The following NCALD variants were observed in gnomAD, a reference collection of about 807,000 sequenced individuals.
NCALD encodes the protein neurocalcin delta.
In NCALD, 10 loss-of-function variants were observed where a neutral mutation model predicts 18.6. The observed-to-expected ratio is 0.54, with a 90% CI of 0.33 to 0.91. The LOEUF is 0.91. NCALD is among the 40% of genes least tolerant of loss of function. The probability of loss-of-function intolerance (pLI) is 0.03; values close to 1 mark genes in which losing one functional copy is unlikely to be tolerated. For missense variants in NCALD, 184 were observed against 247.6 expected, an observed-to-expected ratio of 0.74 and a Z score of 1.72; for synonymous variants, 88 against 87.4, an observed-to-expected ratio of 1.01 and a Z score of -0.04.
At position 101,825,876 on chromosome 8, in the gene NCALD, A is replaced by G. The variant is rs147529610; in HGVS notation, c.-20+61265T>C. 9.9e-3 allele frequency among the ~76,000 whole-genome samples: 1,507 copies of G among 152,316 alleles called. 13 individuals are homozygous for G. Among genetic ancestry groups the G allele is most frequent in the Middle Eastern group, 0.031 (9 of 294 alleles). ...AAATAAGCATGGCTGTGTTTCAATA[A>G]AACTTTATTTTTTAAAAAAGAAAAC... On this transcript the variant is annotated intron_variant, in intron 4 of 6. Coordinates refer to the NCALD transcript ENST00000311028.
intron 3 of NCALD, among the ~76,000 whole-genome samples, chr8:101,903,798 C>A (rs1490123943): frequency 6.6e-6 from 1 of 152,194 alleles, no homozygotes; most frequent in Non-Finnish European, 1.5e-5. Flanking sequence ...CTCCCATTTG[C>A]AGGAGAGCCT....
chr8:102,117,613 C>CAAA (rs35595637), intron 1 of NCALD, among the ~76,000 whole-genome samples: 6 of 118,982 alleles, frequency 5.0e-5, no homozygotes, highest in African/African-American at 8.6e-5. Flanking sequence ...ACTTTCAACT[C>CAAA]AAAAAAAAAA....
At chr8:101,843,582 G>GTGTTTTTTTT (rs1690762927) in intron 4 of NCALD, among the ~76,000 whole-genome samples, 1 of 125,140 alleles carries the variant, frequency 8.0e-6, no homozygotes, top group African/African-American at 3.3e-5. Context: ...TTTAAAAATT[G>GTGTTTTTTTT]TTTTTTTTTT....
chr8:102,006,129 C>T (rs936448495), intron 2 of NCALD, among the ~76,000 whole-genome samples: 2 of 151,986 alleles, frequency 1.3e-5, no homozygotes, highest in African/African-American at 2.4e-5. Flanking sequence ...AATCCATGAT[C>T]AATTCTAAGA....
chr8:101,802,017 G>C (rs1812888182), intron 4 of NCALD, among the ~76,000 whole-genome samples: 2 of 152,094 alleles, frequency 1.3e-5, no homozygotes, highest in African/African-American at 4.8e-5. Flanking sequence ...CACATACTGT[G>C]ATCTTTACAA....
chr8:102,025,494 A>C (rs1822422301), intron 1 of NCALD, among the ~76,000 whole-genome samples: 1 of 152,208 alleles, frequency 6.6e-6, no homozygotes, highest in Admixed American at 6.5e-5. Flanking sequence ...AGTACTCAAT[A>C]AAAGTTTAAA....
intron 3 of NCALD, among the ~76,000 whole-genome samples, chr8:101,896,582 T>C (rs957654598): frequency 4.6e-5 from 7 of 151,916 alleles, no homozygotes; most frequent in African/African-American, 7.3e-5. Context: ...ACAGGCAACC[T>C]ACAAAATGGG....
chr8:102,101,564 A>G (rs913789613), intron 1 of NCALD, among the ~76,000 whole-genome samples: 3 of 152,218 alleles, frequency 2.0e-5, no homozygotes, highest in Non-Finnish European at 4.4e-5. Context: ...ATATATCGCA[A>G]CCATAACCTT....
chr8:102,042,478 G>A (rs952405310), intron 1 of NCALD, among the ~76,000 whole-genome samples: 7 of 151,818 alleles, frequency 4.6e-5, no homozygotes, highest in African/African-American at 1.2e-4. Flanking sequence ...GATACACTGC[G>A]GCTTCTGACA....
intron 2 of NCALD, among the ~76,000 whole-genome samples, chr8:101,951,199 C>T (rs542132642): frequency 1.9e-4 from 29 of 152,280 alleles, no homozygotes; most frequent in African/African-American, 6.7e-4. Flanking sequence ...CTAGAAAAAA[C>T]GATGAGGACA....
At chr8:101,691,781 G>C in intron 3 of NCALD, 2 of 985,370 alleles carry the variant, frequency 2.0e-6, no homozygotes, top group Non-Finnish European at 2.4e-6. Context: ...AAAGGAGACA[G>C]AGGCTCTCTG....
chr8:102,009,064 A>G lies in NCALD; in HGVS notation c.-157+11173T>C, dbSNP rs146571365. Among the ~76,000 whole-genome samples, 28 of 152,338 alleles carry G rather than the reference A, an allele frequency of 1.8e-4. No homozygotes were observed. The East Asian group carries it at 5.0e-3, about 27-fold the overall frequency. The stretch of plus-strand genomic sequence containing the variant: ...AGTGGAGAAGGGTAATTTTTAAAAA[A>G]TATCTGTCTCTCTGCCTCACGGCAT... On this transcript the variant is annotated intron_variant, in intron 2 of 6. Coordinates refer to the NCALD transcript ENST00000311028.
chr8:101,751,299 A>C (rs557278991), intron 1 of NCALD, among the ~76,000 whole-genome samples: 2 of 152,242 alleles, frequency 1.3e-5, no homozygotes, highest in South Asian at 4.2e-4. Flanking sequence ...AAATTCTTAG[A>C]AATGGAAAGT....
intron 1 of NCALD, among the ~76,000 whole-genome samples, chr8:102,097,406 C>A (rs1416547215): frequency 6.6e-6 from 1 of 152,226 alleles, no homozygotes; most frequent in African/African-American, 2.4e-5. Context: ...GTCCCCCACA[C>A]CCAGTTCCAA....
At chr8:101,930,433 T>C (rs1419228458) in intron 2 of NCALD, among the ~76,000 whole-genome samples, 1 of 152,012 alleles carries the variant, frequency 6.6e-6, no homozygotes, top group Non-Finnish European at 1.5e-5. Flanking sequence ...GCAAAATCTC[T>C]TTATTTTGAA....
chr8:101,800,947 A>G (rs1812823066), intron 4 of NCALD, among the ~76,000 whole-genome samples: 1 of 73,206 alleles, frequency 1.4e-5, no homozygotes, highest in Admixed American at 1.9e-4. Context: ...AGAGGAAGGG[A>G]GAAGAGGGGA....
At chr8:101,784,077 A>G (rs561453566) in intron 1 of NCALD, among the ~76,000 whole-genome samples, 1 of 152,256 alleles carries the variant, frequency 6.6e-6, no homozygotes, top group East Asian at 1.9e-4. Flanking sequence ...TATTTTGTCC[A>G]TGAAACTGCA....
At chr8:101,738,552 C>CAAAA (rs34205453) in intron 1 of NCALD, among the ~76,000 whole-genome samples, 114 of 127,876 alleles carry the variant, frequency 8.9e-4, no homozygotes, top group Non-Finnish European at 1.4e-3. Context: ...CTCAAAAAAA[C>CAAAA]AAAAAAAAAA....
At chr8:102,114,088 C>G (rs923024062) in intron 1 of NCALD, among the ~76,000 whole-genome samples, 11 of 152,216 alleles carry the variant, frequency 7.2e-5, no homozygotes, top group Non-Finnish European at 1.3e-4. Flanking sequence ...CACGTGATCT[C>G]GCTTCATGCT....
Sources: allele counts gnomAD v4.1 joint callset (sites outside exome capture counted in the v4.1 genomes callset), GRCh38; gene constraint gnomAD v4.1.1; transcripts MANE v1.5; gene names NCBI Gene and HGNC (gene_info 2026-07-23, HGNC 2026-07-21).